The following ATE1 variants were observed in gnomAD, a reference collection of about 807,000 sequenced individuals.
ATE1 encodes arginyl-tRNA--protein transferase 1.
ATE1 carries 36 observed loss-of-function variants against 70.5 expected under a neutral mutation model. The ratio of observed to expected loss-of-function variants is 0.51; its 90% confidence interval spans 0.39 to 0.67. The LOEUF (loss-of-function observed/expected upper bound fraction) is 0.67, where lower values mean the gene tolerates loss of function less well. ATE1 is among the 30% of genes least tolerant of loss of function. ATE1 has a pLI of 0.00. For missense variants in ATE1, 593 were observed against 629.5 expected (o/e 0.94, Z 0.62); for synonymous variants, 232 against 219.3 (o/e 1.06, Z -0.51).
chr10:121,857,682 A>G (rs1486190219), intron 8 of ATE1, among the ~76,000 whole-genome samples: 1 of 152,244 alleles, frequency 6.6e-6, no homozygotes, highest in Non-Finnish European at 1.5e-5. Flanking sequence ...CACAACGGCA[A>G]AGAAACAGAA....
intron 7 of ATE1, among the ~76,000 whole-genome samples, chr10:121,896,495 C>G (rs2134254644): frequency 6.6e-6 from 1 of 152,154 alleles, no homozygotes; most frequent in South Asian, 2.1e-4. Flanking sequence ...AAATCTGGCT[C>G]CTACCTAAAC....
At chr10:121,858,885 C>T (rs547209410) in intron 8 of ATE1, among the ~76,000 whole-genome samples, 3 of 151,776 alleles carry the variant, frequency 2.0e-5, no homozygotes, top group East Asian at 1.9e-4. Flanking sequence ...CATCTGAGGT[C>T]GGGAGTTCGA....
intron 11 of ATE1, among the ~76,000 whole-genome samples, chr10:121,775,266 C>G (rs1281811521): frequency 6.6e-6 from 1 of 151,928 alleles, no homozygotes; most frequent in Non-Finnish European, 1.5e-5. Context: ...ATATTAAAAT[C>G]TTAATTACTA....
At chr10:121,886,110 T>C (rs1471332645) in intron 7 of ATE1, among the ~76,000 whole-genome samples, 3 of 152,072 alleles carry the variant, frequency 2.0e-5, no homozygotes, top group African/African-American at 2.4e-5. Context: ...TGGAGCATTT[T>C]TGGATTTCAG....
chr10:121,899,808 A>G, intron 7 of ATE1, 58 bp downstream of exon 7: 2 of 1,569,924 alleles, frequency 1.3e-6, no homozygotes, highest in Non-Finnish European at 1.7e-6. Context: ...TCATTAAATG[A>G]TATTAAGTGG....
intron 11 of ATE1, among the ~76,000 whole-genome samples, chr10:121,747,032 G>A (rs1306158070): frequency 6.6e-6 from 1 of 152,080 alleles, no homozygotes; most frequent in Non-Finnish European, 1.5e-5. Context: ...AGCTAATTAT[G>A]TGCTGTTAGC....
chr10:121,911,791 G>A (rs1387331383), intron 4 of ATE1, among the ~76,000 whole-genome samples: 1 of 151,800 alleles, frequency 6.6e-6, no homozygotes, highest in South Asian at 2.1e-4. Context: ...CTGTCGCCCA[G>A]GCTGCAGTGC....
chr10:121,903,955 C>T (rs7073961), intron 5 of ATE1, among the ~76,000 whole-genome samples: 136,793 of 151,946 alleles, frequency 0.9, 61,726 homozygotes, highest in Middle Eastern at 0.96. Flanking sequence ...ATTTACCTTT[C>T]TTTGTAGTGT....
intron 3 of ATE1, among the ~76,000 whole-genome samples, chr10:121,916,821 C>T (rs190479129): frequency 1.0e-3 from 153 of 147,596 alleles, no homozygotes; most frequent in Non-Finnish European, 1.3e-3. Context: ...GGCAACAAAA[C>T]GAGACTCCGT....
chr10:121,889,116 C>T lies in ATE1; in HGVS notation c.942+10750G>A, dbSNP rs959259011. On this transcript the variant is annotated intron_variant, in intron 7 of 11. Transcript: ENST00000224652. The stretch of plus-strand genomic sequence containing the variant: ...GCAACCTCTGCGTCCTGGGTTTAAG[C>T]GATTTTCCCGCTTTAGCTTCCCGAG... 2.6e-5 allele frequency among the ~76,000 whole-genome samples: 4 copies of T among 152,164 alleles called. No individual in the cohort carries two copies. The East Asian group carries it at 5.8e-4, about 22-fold the overall frequency.
intron 11 of ATE1, among the ~76,000 whole-genome samples, chr10:121,771,733 C>T (rs9664554): frequency 0.036 from 5,456 of 152,252 alleles, 350 homozygotes; most frequent in African/African-American, 0.13. Flanking sequence ...AAAGACTTTA[C>T]ATTTCCATTC....
At chr10:121,806,422 T>TA (rs1213202150) in intron 10 of ATE1, among the ~76,000 whole-genome samples, 2 of 152,110 alleles carry the variant, frequency 1.3e-5, no homozygotes, top group Non-Finnish European at 2.9e-5. Flanking sequence ...CACTGTACTT[T>TA]AGTCTGGGTG....
intron 5 of ATE1, among the ~76,000 whole-genome samples, chr10:121,908,436 G>A (rs1951288044): frequency 6.6e-6 from 1 of 152,136 alleles, no homozygotes; most frequent in South Asian, 2.1e-4. Flanking sequence ...ACCCGGAGGT[G>A]GAGTCTGCAG....
chr10:121,744,245 T>G (rs1399368765), intron 11 of ATE1, among the ~76,000 whole-genome samples: 1 of 152,100 alleles, frequency 6.6e-6, no homozygotes, highest in African/African-American at 2.4e-5. Flanking sequence ...TTAAAAAATT[T>G]TTAACTTAAA....
intron 8 of ATE1, among the ~76,000 whole-genome samples, chr10:121,845,071 A>G (rs1948766233): frequency 6.6e-6 from 1 of 152,178 alleles, no homozygotes; most frequent in Admixed American, 6.5e-5. Context: ...CACTTAAGAG[A>G]CTACAGTGTA....
intron 7 of ATE1, among the ~76,000 whole-genome samples, chr10:121,895,779 C>T (rs1040437780): frequency 1.3e-5 from 2 of 152,062 alleles, no homozygotes; most frequent in African/African-American, 2.4e-5. Context: ...AAAAATTAGA[C>T]GTGGTGGCAC....
intron 8 of ATE1, among the ~76,000 whole-genome samples, chr10:121,841,820 C>T (rs1306285632): frequency 6.6e-6 from 1 of 152,134 alleles, no homozygotes; most frequent in Admixed American, 6.6e-5. Context: ...ACAGTGTACA[C>T]TGCTTGGGTG....
intron 3 of ATE1, among the ~76,000 whole-genome samples, chr10:121,917,599 CCA>C (rs1231791119): frequency 1.4e-4 from 21 of 151,806 alleles, no homozygotes; most frequent in South Asian, 2.1e-4. Flanking sequence ...TCCTTATCTT[CCA>C]CAGAGAGAAG....
intron 8 of ATE1, among the ~76,000 whole-genome samples, chr10:121,841,971 G>C (rs1239993355): frequency 6.6e-6 from 1 of 152,168 alleles, no homozygotes; most frequent in Non-Finnish European, 1.5e-5. Context: ...GGTTAGGAAA[G>C]AAATGCATGA....
Sources: allele counts gnomAD v4.1 joint callset (sites outside exome capture counted in the v4.1 genomes callset), GRCh38; gene constraint gnomAD v4.1.1; transcripts MANE v1.5; gene names NCBI Gene and HGNC (gene_info 2026-07-23, HGNC 2026-07-21).